Variants in IL1R1 observed in about 807,000 individuals in gnomAD.
IL1R1 encodes interleukin 1 receptor type 1, also known as interleukin-1 receptor type 1.
Under a neutral mutation model 50.2 loss-of-function variants are expected in IL1R1, and 22 were observed. The ratio of observed to expected loss-of-function variants is 0.44; its 90% confidence interval spans 0.31 to 0.63. IL1R1 has a LOEUF of 0.63. Ranked by LOEUF, IL1R1 falls within the 20% of genes least tolerant of loss-of-function variation. IL1R1 has a pLI of 0.07. For missense variants in IL1R1, 509 were observed against 676.2 expected (o/e 0.75, Z 2.74); for synonymous variants, 251 against 236.7 (o/e 1.06, Z -0.55).
chr2:102,126,827 C>T (rs1375509918), intron 1 of IL1R1, among the ~76,000 whole-genome samples: 8 of 152,342 alleles, frequency 5.3e-5, no homozygotes, highest in African/African-American at 7.2e-5. Flanking sequence ...ATGGGAACCA[C>T]GGATTCAAGC....
chr2:102,135,767 G>A (rs781445403), intron 1 of IL1R1, among the ~76,000 whole-genome samples: 3 of 152,162 alleles, frequency 2.0e-5, no homozygotes, highest in Non-Finnish European at 2.9e-5. Flanking sequence ...AACATTTTGC[G>A]GTGAAGGAAT....
At chr2:102,103,354 A>G (rs150746924), upstream of IL1R1, among the ~76,000 whole-genome samples, 318 of 152,106 alleles carry the variant, frequency 2.1e-3, 1 homozygote, top group Non-Finnish European at 2.5e-3. Context: ...GAAGGAGCAA[A>G]GAGGAGGTGG....
intron 1 of IL1R1, among the ~76,000 whole-genome samples, chr2:102,080,997 C>G (rs1341494247): frequency 1.3e-5 from 2 of 152,070 alleles, no homozygotes; most frequent in African/African-American, 4.8e-5. Flanking sequence ...ATATGGAATG[C>G]TTAGAATAAG....
At chr2:102,079,814 G>A (rs542168625) in intron 1 of IL1R1, among the ~76,000 whole-genome samples, 151 of 152,184 alleles carry the variant, frequency 9.9e-4, no homozygotes, top group Non-Finnish European at 2.0e-3. Flanking sequence ...CAAAGTCAAT[G>A]ACTTACACTC....
chr2:102,159,231 G>A (rs759873061), intron 3 of IL1R1, among the ~76,000 whole-genome samples: 1 of 152,208 alleles, frequency 6.6e-6, no homozygotes, highest in Non-Finnish European at 1.5e-5. Flanking sequence ...CAAGCGGCTG[G>A]TATGAGAACC....
At chr2:102,101,328 C>G (rs1680131122), upstream of IL1R1, among the ~76,000 whole-genome samples, 1 of 152,182 alleles carries the variant, frequency 6.6e-6, no homozygotes, top group African/African-American at 2.4e-5. Context: ...GAAGTTGAAG[C>G]TTAGCTCTTT....
chr2:102,080,711 A>G (rs1350192742), intron 1 of IL1R1, among the ~76,000 whole-genome samples: 1 of 152,220 alleles, frequency 6.6e-6, no homozygotes, highest in Admixed American at 6.5e-5. Context: ...TTCCACTCCT[A>G]GGTATCTATG....
chr2:102,123,363 T>C (rs1208758307), intron 1 of IL1R1, among the ~76,000 whole-genome samples: 3 of 152,234 alleles, frequency 2.0e-5, no homozygotes, highest in Non-Finnish European at 4.4e-5. Context: ...GAATGAGGCA[T>C]ACCCAGAGGT....
chr2:102,110,811 G>A (rs1680715963), intron 1 of IL1R1, among the ~76,000 whole-genome samples: 1 of 152,084 alleles, frequency 6.6e-6, no homozygotes, highest in South Asian at 2.1e-4. Context: ...ACCCTGCCAG[G>A]GTTGCATGAA....
At chr2:102,090,191 T>G (rs551650568) in intron 1 of IL1R1, among the ~76,000 whole-genome samples, 116 of 151,132 alleles carry the variant, frequency 7.7e-4, no homozygotes, top group African/African-American at 2.6e-3. Context: ...TAGTCCTTTG[T>G]CCCCTCCTCA....
chr2:102,108,168 A>T (rs560566047), intron 1 of IL1R1, among the ~76,000 whole-genome samples: 1 of 151,960 alleles, frequency 6.6e-6, no homozygotes, highest in Admixed American at 6.6e-5. Context: ...GGAGAGCTGC[A>T]TGCTGAAATT....
chr2:102,160,638 C>A (rs1330703472), intron 3 of IL1R1, among the ~76,000 whole-genome samples: 1 of 152,094 alleles, frequency 6.6e-6, no homozygotes, highest in Admixed American at 6.5e-5. Context: ...ACCAATGTTA[C>A]CCCAGCCTCA....
At chr2:102,128,572 G>A (rs940060596) in intron 1 of IL1R1, among the ~76,000 whole-genome samples, 1 of 152,196 alleles carries the variant, frequency 6.6e-6, no homozygotes, top group Non-Finnish European at 1.5e-5. Flanking sequence ...TGAGGCATAA[G>A]AGAAGTTAAG....
chr2:102,145,969 A>G (rs1683084164), intron 1 of IL1R1, among the ~76,000 whole-genome samples: 1 of 133,490 alleles, frequency 7.5e-6, no homozygotes, highest in Admixed American at 8.0e-5. Context: ...GATGAAAGCA[A>G]AGTGCTCAGG....
chr2:102,169,547 TG>T (rs1363113161), intron 7 of IL1R1, among the ~76,000 whole-genome samples: 4 of 152,126 alleles, frequency 2.6e-5, no homozygotes, highest in African/African-American at 9.7e-5. Flanking sequence ...AGAGAAAAAG[TG>T]GTTCTTTGTG....
intron 1 of IL1R1, among the ~76,000 whole-genome samples, chr2:102,095,894 T>G (rs1269933590): frequency 6.6e-6 from 1 of 152,066 alleles, no homozygotes; most frequent in Non-Finnish European, 1.5e-5. Context: ...TCCCAGCTAC[T>G]CGGGAGGCCG....
At chr2:102,110,313 T>G (rs1017000865) in intron 1 of IL1R1, among the ~76,000 whole-genome samples, 1 of 152,206 alleles carries the variant, frequency 6.6e-6, no homozygotes, top group Non-Finnish European at 1.5e-5. Flanking sequence ...AGTGGCAGCC[T>G]GCCCTCGTAA....
At chr2:102,090,126 G>T (rs565647527) in intron 1 of IL1R1, among the ~76,000 whole-genome samples, 2 of 150,914 alleles carry the variant, frequency 1.3e-5, no homozygotes, top group Non-Finnish European at 2.9e-5. Context: ...GAGCCACTGC[G>T]CCCAGCCTAT....
Position 102,098,040 on chromosome 2 carries a change from C to T in IL1R1, c.-84+27507C>T, listed in dbSNP as rs545372262. Among the ~76,000 whole-genome samples the T allele has an allele frequency of 3.3e-5, 5 of 151,896 alleles. No individual in the cohort carries two copies. In the South Asian group the frequency reaches 6.2e-4, roughly 19 times the overall value. On this transcript the variant is annotated intron_variant, in intron 1 of 11. Transcript: ENST00000409929. ...GAAATAAAATTATCAGTGTATAACC[C>T]GTGGAGATTTTAAAAAGATGAGAAT...
Sources: allele counts gnomAD v4.1 joint callset (sites outside exome capture counted in the v4.1 genomes callset), GRCh38; gene constraint gnomAD v4.1.1; transcripts MANE v1.5; gene names NCBI Gene and HGNC (gene_info 2026-07-23, HGNC 2026-07-21).